The following RASSF3 variants were observed in gnomAD, a reference collection of about 807,000 sequenced individuals.
The protein encoded by RASSF3 is Ras association domain family member 3, also known as ras association domain-containing protein 3.
Under a neutral mutation model 19.9 loss-of-function variants are expected in RASSF3, and 19 were observed. That is an observed-to-expected ratio of 0.96 (90% CI 0.67 to 1.40). The LOEUF is 1.40. Ranked by LOEUF, RASSF3 falls within the 40% of genes most tolerant of loss-of-function variation. RASSF3 has a pLI of 0.00. For synonymous variants in RASSF3, 110 were observed against 104.2 expected, an observed-to-expected ratio of 1.06 and a Z score of -0.34; for missense variants, 306 against 289.8, an observed-to-expected ratio of 1.06 and a Z score of -0.41.
At chr12:64,656,770 C>T (rs989126456) in intron 1 of RASSF3, among the ~76,000 whole-genome samples, 1 of 152,124 alleles carries the variant, frequency 6.6e-6, no homozygotes, top group African/African-American at 2.4e-5. Context: ...TGATGTTGGT[C>T]CCTTAATTTG....
In RASSF3 at chr12:64,692,773, C is replaced by G. The variant is rs150071537; in HGVS notation, c.567+1194C>G. 5.6e-3 allele frequency among the ~76,000 whole-genome samples: 855 copies of G among 152,246 alleles called. 9 individuals are homozygous for G. The highest frequency in any genetic ancestry group is 0.01 in the Middle Eastern group (3 of 294). On this transcript the variant is annotated intron_variant, in intron 4 of 4. Coordinates refer to ENST00000542104, the MANE Select transcript of RASSF3 (RefSeq NM_178169.4). ...TTAATTATAATTAGAGATAGGGTCT[C>G]ACTACGTTGCCCAAGCTGGTCTCAA...
chr12:64,600,804 C>A (rs1870078799), intron 2 of RASSF3, among the ~76,000 whole-genome samples: 1 of 152,098 alleles, frequency 6.6e-6, no homozygotes, highest in African/African-American at 2.4e-5. Context: ...AACATTGTTA[C>A]TATATTTGGT....
chr12:64,625,987 T>C (rs1389044925), intron 1 of RASSF3, among the ~76,000 whole-genome samples: 1 of 151,884 alleles, frequency 6.6e-6, no homozygotes, highest in Non-Finnish European at 1.5e-5. Flanking sequence ...GCCTTCTGAG[T>C]TTTCATATTA....
At chr12:64,531,461 T>A (rs988145542), upstream of RASSF3, among the ~76,000 whole-genome samples, 3 of 152,228 alleles carry the variant, frequency 2.0e-5, no homozygotes, top group Admixed American at 6.5e-5. Context: ...AAATTTGCCA[T>A]GTTAGCCACT....
Position 64,642,341 on chromosome 12 carries a change from C to T in RASSF3, c.111+31598C>T, listed in dbSNP as rs563418690. 5.3e-4 allele frequency among the ~76,000 whole-genome samples: 81 copies of T among 151,762 alleles called. 1 individual carries two copies. Among genetic ancestry groups the T allele is most frequent in the African/African-American group, 1.9e-3 (79 of 41,428 alleles). On this transcript the variant is annotated intron_variant, in intron 1 of 4. Coordinates refer to ENST00000542104, the MANE Select transcript of RASSF3 (RefSeq NM_178169.4). ...TTGGGAGGCCGAGGCAGGCAGATCA[C>T]CTAAGGTCAGGAGTTCAAGACAAGC...
At chr12:64,587,271 GGT>G (rs1296667213) in intron 2 of RASSF3, among the ~76,000 whole-genome samples, 3 of 151,878 alleles carry the variant, frequency 2.0e-5, no homozygotes, top group Non-Finnish European at 4.4e-5. Context: ...TGGTCAGGCT[GGT>G]CTTGAACTCC....
chr12:64,623,821 A>G (rs55663246), intron 1 of RASSF3, among the ~76,000 whole-genome samples: 1 of 151,218 alleles, frequency 6.6e-6, no homozygotes, highest in African/African-American at 2.4e-5. Context: ...TTTTATTTTT[A>G]TTTTTTTAGT....
chr12:64,681,486 G>A (rs956951744), intron 1 of RASSF3, among the ~76,000 whole-genome samples: 1 of 152,208 alleles, frequency 6.6e-6, no homozygotes, highest in Non-Finnish European at 1.5e-5. Flanking sequence ...AAGTCTTGCA[G>A]GTGTGGTGCA....
At chr12:64,617,803 C>T (rs189755247) in intron 1 of RASSF3, among the ~76,000 whole-genome samples, 98 of 152,174 alleles carry the variant, frequency 6.4e-4, no homozygotes, top group Admixed American at 4.1e-3. Context: ...GTGATCTGCC[C>T]GCCTCGGCCT....
rs183890724 is a variant in RASSF3, at chr12:64,566,842, G to T, written c.294+25137G>T. Reference sequence around the variant, plus strand: ...GTCCCTGTCTCCCCTGAGGGGTAGGGTTTCTAGATTCCTAAAACTCTGAGG... The same window carrying T: ...GTCCCTGTCTCCCCTGAGGGGTAGGTTTTCTAGATTCCTAAAACTCTGAGG... On this transcript the variant is annotated intron_variant, in intron 2 of 5. Coordinates refer to the RASSF3 transcript ENST00000637125. Among the ~76,000 whole-genome samples, 301 of 152,270 alleles carry T rather than the reference G, an allele frequency of 2.0e-3. 3 individuals carry two copies. The highest frequency in any genetic ancestry group is 3.4e-3 in the Middle Eastern group (1 of 294).
chr12:64,657,303 C>T (rs138263953), intron 1 of RASSF3, among the ~76,000 whole-genome samples: 91 of 152,052 alleles, frequency 6.0e-4, no homozygotes, highest in Non-Finnish European at 1.2e-3. Flanking sequence ...CCACGCTGGG[C>T]GATACAGAGT....
intron 1 of RASSF3, among the ~76,000 whole-genome samples, chr12:64,658,177 TC>T (rs1305005634): frequency 6.6e-6 from 1 of 152,150 alleles, no homozygotes; most frequent in Non-Finnish European, 1.5e-5. Context: ...AGTAGTAAAA[TC>T]AACACGTGGG....
chr12:64,507,471 G>A (rs1565828150), intron 1 of RASSF3: 1 of 394,774 alleles, frequency 2.5e-6, no homozygotes, highest in Non-Finnish European at 4.5e-6. Context: ...ATTCCACTTG[G>A]TCATCTGGAG....
Position 64,696,181 on chromosome 12 carries a change from A to G in RASSF3, c.*1269A>G, listed in dbSNP as rs1039355303. 7.0e-6 allele frequency: 1 copy of G among 142,852 alleles called. No homozygotes were observed. The highest frequency in any genetic ancestry group is 2.6e-5 in the African/African-American group (1 of 38,064). 8.8% of individuals were successfully genotyped at this position (142,852 alleles called of 1,614,324 possible). The stretch of plus-strand genomic sequence containing the variant: ...CTACATTGAAATCTGTTCTTACATA[A>G]TAGAGAACAGGGCTATTGAATAAAG... On this transcript the variant is annotated 3_prime_UTR_variant, in exon 5 of 5. Transcript: ENST00000542104.
At chr12:64,510,501 C>T (rs1344009082) in intron 1 of RASSF3, among the ~76,000 whole-genome samples, 3 of 152,102 alleles carry the variant, frequency 2.0e-5, no homozygotes, top group Non-Finnish European at 4.4e-5. Flanking sequence ...ACCTTCATCC[C>T]GATCAACCCA....
intron 1 of RASSF3, among the ~76,000 whole-genome samples, chr12:64,659,952 G>A (rs1200926337): frequency 1.2e-4 from 2 of 17,322 alleles, no homozygotes; most frequent in East Asian, 8.3e-4. Flanking sequence ...CATCTAATAC[G>A]TGTGTGTGTG....
intron 3 of RASSF3, among the ~76,000 whole-genome samples, chr12:64,689,875 C>T (rs1215045405): frequency 2.0e-5 from 3 of 147,644 alleles, no homozygotes; most frequent in Non-Finnish European, 4.4e-5. Context: ...GCAAGCTCCA[C>T]CTCCCGGGTT....
intron 1 of RASSF3, among the ~76,000 whole-genome samples, chr12:64,672,513 A>G (rs1211748922): frequency 1.3e-5 from 2 of 152,148 alleles, no homozygotes; most frequent in African/African-American, 4.8e-5. Context: ...GGTGTGAGCT[A>G]TCGCACCCAG....
At chr12:64,688,498 C>T (rs747491714) in intron 3 of RASSF3, 45 bp downstream of exon 3, 1 of 1,347,730 alleles carries the variant, frequency 7.4e-7, no homozygotes, top group Non-Finnish European at 1.1e-6. Flanking sequence ...CTTCTACTTG[C>T]ATCTGCTGTT....
Sources: allele counts gnomAD v4.1 joint callset (sites outside exome capture counted in the v4.1 genomes callset), GRCh38; gene constraint gnomAD v4.1.1; transcripts MANE v1.5; gene names NCBI Gene and HGNC (gene_info 2026-07-23, HGNC 2026-07-21).